SHPRH: variants seen among roughly 807,000 people sequenced by gnomAD.
SHPRH encodes the protein SNF2 histone linker PHD RING helicase, also known as E3 ubiquitin-protein ligase SHPRH.
Under a neutral mutation model 202.5 loss-of-function variants are expected in SHPRH, and 106 were observed. The ratio of observed to expected loss-of-function variants is 0.52; its 90% CI spans 0.45 to 0.62. SHPRH has a LOEUF of 0.62. Ranked by LOEUF, SHPRH falls within the 20% of genes least tolerant of loss-of-function variation. The pLI is 0.00. For synonymous variants in SHPRH, 729 were observed against 686.0 expected, an observed-to-expected ratio of 1.06 and a Z score of -0.98; for missense variants, 1,710 against 2,020.0, an observed-to-expected ratio of 0.85 and a Z score of 2.94.
chr6:145,862,237 G>A (rs1373248706), downstream of SHPRH, among the ~76,000 whole-genome samples: 5 of 151,920 alleles, frequency 3.3e-5, no homozygotes, highest in African/African-American at 7.3e-5. Flanking sequence ...CGAGGCAGGC[G>A]GATCACGAGG....
At chr6:145,926,084 G>A in intron 16 of SHPRH, 120 bp downstream of exon 16, 1 of 946,194 alleles carries the variant, frequency 1.1e-6, no homozygotes, top group South Asian at 1.7e-5. Flanking sequence ...AAACATCAAA[G>A]TAACAGGAAA....
intron 1 of SHPRH, among the ~76,000 whole-genome samples, chr6:145,957,193 G>A (rs1413999904): frequency 6.6e-6 from 1 of 151,920 alleles, no homozygotes; most frequent in Admixed American, 6.6e-5. Context: ...CTCCTAAAAT[G>A]TAAGAATTAA....
chr6:145,906,233 A>G (rs1331835619), intron 25 of SHPRH: 1 of 152,060 alleles, frequency 6.6e-6, no homozygotes, highest in African/African-American at 2.4e-5. Flanking sequence ...TCACTAAAGA[A>G]CTTTGGTGCC....
At chr6:145,862,010 G>C (rs73576133), downstream of SHPRH, among the ~76,000 whole-genome samples, 4,085 of 152,258 alleles carry the variant, frequency 0.027, 189 homozygotes, top group African/African-American at 0.093. Flanking sequence ...CCAGGGGTGG[G>C]AGAATGGGGT....
rs191912300 is a variant in SHPRH, at chr6:145,947,546, T to G, written c.1159A>C (p.Ile387Leu). The change falls in exon 6 of 30, where the codon ATT (isoleucine) becomes CTT (leucine). Residue 387 changes from isoleucine (I) to leucine (L), a missense_variant. Coordinates refer to ENST00000275233, the MANE Select transcript of SHPRH (RefSeq NM_001042683.3). Reference protein sequence around the residue: ...LGKTVEVLALILTHTRQDVKQ... With the variant: ...LGKTVEVLALLLTHTRQDVKQ... ...ACATCTTGTCGAGTATGTGTCAGAA[T>G]CAGAGCCAAAACCTCCACTGTCTTT... 28 of 1,613,022 alleles carry G rather than the reference T, an allele frequency of 1.7e-5. No individual in the cohort carries two copies. In the East Asian group the frequency reaches 6.2e-4, roughly 36 times the overall value.
intron 27 of SHPRH, among the ~76,000 whole-genome samples, chr6:145,893,940 G>T (rs1781788434): frequency 6.6e-6 from 1 of 151,802 alleles, no homozygotes. Flanking sequence ...CCTCAAGTTG[G>T]GAGATCTTTA....
chr6:145,921,717 T>C (rs953013144), intron 20 of SHPRH, among the ~76,000 whole-genome samples: 4 of 152,070 alleles, frequency 2.6e-5, no homozygotes, highest in South Asian at 2.1e-4. Flanking sequence ...TGGAGATAAA[T>C]AAACAGAATT....
chr6:145,858,884 G>A, the SHPRH span, among the ~76,000 whole-genome samples: 1 of 152,056 alleles, frequency 6.6e-6, no homozygotes, highest in Non-Finnish European at 1.5e-5. Context: ...GAGAACTGGA[G>A]TGATATGGTA....
chr6:145,943,817 TTTAA>T lies in SHPRH; in HGVS notation c.1579-19_1579-16del, dbSNP rs1207111559. ...CTCCCTACTGCCTATGAAAAAAATA[TTTAA>T]TTAATTGATTGCAACTAGTTGCATT... On this transcript the variant is annotated splice_polypyrimidine_tract_variant and intron_variant, in intron 8 of 29. Transcript: ENST00000275233. The T allele has an allele frequency of 6.5e-7, 1 of 1,540,580 alleles. No homozygotes were observed. Among genetic ancestry groups the T allele is most frequent in the Non-Finnish European group, 8.7e-7 (1 of 1,151,044 alleles).
intron 2 of SHPRH, among the ~76,000 whole-genome samples, chr6:145,868,612 G>GA (rs1236185361): frequency 8.5e-5 from 13 of 152,170 alleles, no homozygotes; most frequent in Non-Finnish European, 1.8e-4. Context: ...GACAGTCAAT[G>GA]AAAATTAAAG....
At chr6:145,904,321 A>T (rs1048066841) in intron 25 of SHPRH, 8 of 152,108 alleles carry the variant, frequency 5.3e-5, no homozygotes, top group African/African-American at 1.7e-4. Flanking sequence ...TTGCTTGTTA[A>T]AGAACAACGA....
chr6:145,898,653 G>A (rs1007500447), intron 25 of SHPRH, among the ~76,000 whole-genome samples: 5 of 151,982 alleles, frequency 3.3e-5, no homozygotes, highest in Admixed American at 6.6e-5. Context: ...GCTCCTATGA[G>A]GGCAGGCTGT....
intron 13 of SHPRH, among the ~76,000 whole-genome samples, chr6:145,933,631 G>A (rs377762296): frequency 2.6e-5 from 4 of 151,934 alleles, no homozygotes; most frequent in East Asian, 1.9e-4. Flanking sequence ...AATTGTTTTC[G>A]GACTCTAACT....
chr6:145,870,223 T>C (rs954795188), intron 2 of SHPRH, among the ~76,000 whole-genome samples: 1 of 151,848 alleles, frequency 6.6e-6, no homozygotes, highest in African/African-American at 2.4e-5. Flanking sequence ...TAATCTCTTA[T>C]TAGTTCCAGA....
At chr6:145,962,579 T>C (rs955293931) in intron 1 of SHPRH, among the ~76,000 whole-genome samples, 10 of 152,234 alleles carry the variant, frequency 6.6e-5, no homozygotes, top group African/African-American at 2.4e-4. Flanking sequence ...GTTACATTAC[T>C]AAGACAATCC....
chr6:145,938,518 T>C (rs1042047701), intron 11 of SHPRH, among the ~76,000 whole-genome samples: 2 of 152,158 alleles, frequency 1.3e-5, no homozygotes, highest in Admixed American at 1.3e-4. Context: ...CACAAAGTAC[T>C]TGTTAAAGTC....
At chr6:145,859,933 C>A (rs189280695), downstream of SHPRH, among the ~76,000 whole-genome samples, 97 of 152,034 alleles carry the variant, frequency 6.4e-4, 1 homozygote, top group Admixed American at 1.2e-3. Context: ...TTTTGTTTAA[C>A]CTATATTAGT....
In SHPRH at chr6:145,946,286, T is replaced by C. The variant is rs1787366092; in HGVS notation, c.1268A>G (p.Lys423Arg). 1 of 1,608,802 alleles carries C rather than the reference T, an allele frequency of 6.2e-7. No individual in the cohort carries two copies. Among genetic ancestry groups the C allele is most frequent in the African/African-American group, 1.3e-5 (1 of 74,700 alleles). The part of the protein sequence containing the change: ...PSHYFGGKLK[K>R]TEIQNIEFEP... Reference sequence around the variant, plus strand: ...AAATTCGATATTCTGGATTTCTGTCTTTTTCAGTTTTCCTCCAAAATAATG... The same window carrying C: ...AAATTCGATATTCTGGATTTCTGTCCTTTTCAGTTTTCCTCCAAAATAATG... The change falls in exon 7 of 30, where the codon AAG (lysine) becomes AGG (arginine). Residue 423 changes from lysine to arginine, a missense_variant. This residue lies in a region of SHPRH where 348 missense variants were observed against 356.9 expected (regional missense o/e 0.97). Coordinates refer to ENST00000275233, the MANE Select transcript of SHPRH (RefSeq NM_001042683.3).
intron 2 of SHPRH, among the ~76,000 whole-genome samples, chr6:145,952,929 G>C (rs1788135192): frequency 6.6e-6 from 1 of 152,014 alleles, no homozygotes; most frequent in South Asian, 2.1e-4. Context: ...AACAGACCTT[G>C]ATTAATGTTA....
Sources: allele counts gnomAD v4.1 joint callset (sites outside exome capture counted in the v4.1 genomes callset), GRCh38; gene constraint gnomAD v4.1.1; regional missense constraint gnomAD v4.1.1; transcripts MANE v1.5; gene names NCBI Gene and HGNC (gene_info 2026-07-23, HGNC 2026-07-21).